Variants in PTPRT observed in about 807,000 individuals in gnomAD.
PTPRT encodes receptor-type tyrosine-protein phosphatase T.
Under a neutral mutation model 176.8 loss-of-function variants are expected in PTPRT, and 56 were observed. That is an observed-to-expected ratio of 0.32 (90% confidence interval 0.26 to 0.40). The LOEUF is 0.40. Ranked by LOEUF, PTPRT falls within the 10% of genes least tolerant of loss-of-function variation. PTPRT has a pLI of 1.00. For missense variants in PTPRT, 1,540 were observed against 1,908.2 expected (o/e 0.81, Z 3.60); for synonymous variants, 783 against 739.0 (o/e 1.06, Z -0.96).
rs1371333582 is a variant in PTPRT at position 42,617,704 on chromosome 20, T to C, written c.1153+60162A>G. On this transcript the variant is annotated intron_variant, in intron 7 of 30. Transcript: ENST00000373187. ...TGTTGAGGAGTTTATCCATTTCTTCTAGATTTTCTAGTTTATTTGCGTAGA... is the reference window on the plus strand; with the variant it reads ...TGTTGAGGAGTTTATCCATTTCTTCCAGATTTTCTAGTTTATTTGCGTAGA... 7.9e-5 allele frequency among the ~76,000 whole-genome samples: 11 copies of C among 139,790 alleles called. 3 individuals carry two copies. The highest frequency in any genetic ancestry group is 2.5e-4 in the African/African-American group (8 of 32,548). 91.7% of individuals were successfully genotyped at this position (139,790 alleles called of 152,430 possible).
intron 15 of PTPRT, among the ~76,000 whole-genome samples, chr20:42,225,447 C>T (rs1375898047): frequency 1.3e-5 from 2 of 152,200 alleles, no homozygotes; most frequent in Non-Finnish European, 2.9e-5. Context: ...TTAGGATTCA[C>T]AGCTACTAAG....
intron 1 of PTPRT, among the ~76,000 whole-genome samples, chr20:42,952,739 T>C (rs1486382994): frequency 6.6e-6 from 1 of 152,176 alleles, no homozygotes; most frequent in Non-Finnish European, 1.5e-5. Flanking sequence ...ACTATTCCAT[T>C]TGGTCCACAT....
intron 2 of PTPRT, among the ~76,000 whole-genome samples, chr20:42,817,068 T>C (rs6103050): frequency 0.02 from 2,992 of 152,288 alleles, 99 homozygotes; most frequent in African/African-American, 0.063. Flanking sequence ...TTGCAAAGAT[T>C]ACCAGTGGTA....
chr20:42,719,140 G>T (rs1174456788), intron 6 of PTPRT, among the ~76,000 whole-genome samples: 2 of 152,218 alleles, frequency 1.3e-5, no homozygotes, highest in Admixed American at 1.3e-4. Context: ...ATGTTGAGTT[G>T]AAGTGCCTGT....
chr20:42,444,301 A>ACAGCAAAG (rs3061966), intron 9 of PTPRT, among the ~76,000 whole-genome samples: 47,158 of 151,864 alleles, frequency 0.31, 7,680 homozygotes, highest in Middle Eastern at 0.44. Context: ...CAAGAATTAA[A>ACAGCAAAG]CAACTCCAAA....
intron 16 of PTPRT, among the ~76,000 whole-genome samples, chr20:42,179,413 A>G (rs1412766773): frequency 6.6e-6 from 1 of 152,236 alleles, no homozygotes; most frequent in Non-Finnish European, 1.5e-5. Flanking sequence ...ATGAATTGCC[A>G]TTGACAACAA....
intron 1 of PTPRT, among the ~76,000 whole-genome samples, chr20:43,149,864 A>G (rs2014292155): frequency 6.6e-6 from 1 of 152,220 alleles, no homozygotes; most frequent in Non-Finnish European, 1.5e-5. Context: ...TTTGGAAGGT[A>G]AAATGGCAAC....
chr20:43,094,091 CTT>C lies in PTPRT; in HGVS notation c.88+95553_88+95554del, dbSNP rs11478226. Among the ~76,000 whole-genome samples the C allele has an allele frequency of 7.7e-3, 1,010 of 130,614 alleles. 10 individuals are homozygous for C. The highest frequency in any genetic ancestry group is 0.067 in the South Asian group (277 of 4,158). 85.7% of individuals were successfully genotyped at this position (130,614 alleles called of 152,430 possible). A position where few individuals can be genotyped will look rare whatever the true frequency, so the allele number is the denominator to read the frequency against. The stretch of plus-strand genomic sequence containing the variant: ...TCTCTGTTTTTTTCTTTCTTTCTTT[CTT>C]TTTTTTTTTTTTTTTGACGGAGTCT... On this transcript the variant is annotated intron_variant, in intron 1 of 30. Transcript: ENST00000373187.
intron 14 of PTPRT, among the ~76,000 whole-genome samples, chr20:42,245,147 T>C (rs1038745277): frequency 5.3e-5 from 8 of 152,124 alleles, no homozygotes; most frequent in Admixed American, 2.0e-4. Flanking sequence ...GATCGACAGA[T>C]CCAGAGGAAA....
intron 7 of PTPRT, among the ~76,000 whole-genome samples, chr20:42,561,286 C>T (rs1474712535): frequency 1.3e-5 from 2 of 152,180 alleles, no homozygotes; most frequent in African/African-American, 4.8e-5. Context: ...CAATCATTGC[C>T]CATTTTCCTA....
rs910885502 is a variant in PTPRT at position 42,714,003 on chromosome 20, C to A, written c.860-35844G>T. Among the ~76,000 whole-genome samples the A allele has an allele frequency of 2.0e-5, 3 of 152,144 alleles. No homozygotes were observed. The South Asian group carries it at 6.2e-4, about 32-fold the overall frequency. Reference sequence around the variant, plus strand: ...TCTCTTTCTTTATAAATTATCCAGTCTCAGGTATTTCTTTATAGCAACGCA... The same window carrying A: ...TCTCTTTCTTTATAAATTATCCAGTATCAGGTATTTCTTTATAGCAACGCA... On this transcript the variant is annotated intron_variant, in intron 6 of 30. Transcript: ENST00000373187.
chr20:42,914,086 A>T (rs1265152435), intron 1 of PTPRT, among the ~76,000 whole-genome samples: 1 of 152,208 alleles, frequency 6.6e-6, no homozygotes, highest in Non-Finnish European at 1.5e-5. Context: ...TTTCACAGCT[A>T]CATCCATCTT....
At position 42,634,007 on chromosome 20, in the gene PTPRT, A is replaced by T. The variant is rs1270416791; in HGVS notation, c.1153+43859T>A. On this transcript the variant is annotated intron_variant, in intron 7 of 30. Transcript: ENST00000373187. ...ATATTATATTATATATATTATATAT[A>T]TATAATATATATATAATATATATAT... is the stretch of plus-strand genomic sequence containing the variant. Among the ~76,000 whole-genome samples the T allele has an allele frequency of 3.5e-3, 51 of 14,514 alleles. 1 individual carries two copies. Among genetic ancestry groups the T allele is most frequent in the African/African-American group, 0.016 (29 of 1,856 alleles). The allele number at this position is 14,514 out of a possible 152,430, so 9.5% of individuals were successfully genotyped here.
intron 16 of PTPRT, among the ~76,000 whole-genome samples, chr20:42,193,906 C>T (rs1420522337): frequency 6.6e-6 from 1 of 151,982 alleles, no homozygotes; most frequent in East Asian, 1.9e-4. Context: ...TTGGATATAT[C>T]CCCAAATTCT....
chr20:42,165,130 TCTC>T (rs1392632845), intron 16 of PTPRT, among the ~76,000 whole-genome samples: 1 of 152,086 alleles, frequency 6.6e-6, no homozygotes, highest in Non-Finnish European at 1.5e-5. Flanking sequence ...CTTCCTGCTC[TCTC>T]CTCCTCTTCC....
Position 42,730,393 on chromosome 20 carries a change from G to C in PTPRT, c.859+26069C>G, listed in dbSNP as rs566636187. 1.1e-4 allele frequency among the ~76,000 whole-genome samples: 16 copies of C among 152,330 alleles called. No individual in the cohort carries two copies. In the East Asian group the frequency reaches 2.7e-3, roughly 26 times the overall value. ...CAAAAGCAGAAAGCAATAAGAGAGAGGCACTGGAGGCCTGGGAAAGTGTTA... is the reference window on the plus strand; with the variant it reads ...CAAAAGCAGAAAGCAATAAGAGAGACGCACTGGAGGCCTGGGAAAGTGTTA... On this transcript the variant is annotated intron_variant, in intron 6 of 30. Coordinates refer to ENST00000373187, the MANE Select transcript of PTPRT (RefSeq NM_007050.6).
intron 7 of PTPRT, among the ~76,000 whole-genome samples, chr20:42,595,945 C>G (rs2073663156): frequency 6.6e-6 from 1 of 152,184 alleles, no homozygotes; most frequent in South Asian, 2.1e-4. Context: ...CCTACTTGTT[C>G]ATTTTTAAAA....
At chr20:42,289,691 T>C (rs35669273) in intron 12 of PTPRT, among the ~76,000 whole-genome samples, 1 of 152,018 alleles carries the variant, frequency 6.6e-6, no homozygotes, top group African/African-American at 2.4e-5. Context: ...ATTAGTGCAG[T>C]GGTTTATTCT....
chr20:43,124,582 C>T (rs969000745), intron 1 of PTPRT, among the ~76,000 whole-genome samples: 1 of 152,198 alleles, frequency 6.6e-6, no homozygotes, highest in Non-Finnish European at 1.5e-5. Flanking sequence ...AAATCACCTG[C>T]ACATAAAACC....
Sources: gnomAD v4.1 joint callset for allele counts (sites outside exome capture counted in the v4.1 genomes callset) on GRCh38, gnomAD v4.1.1 for gene constraint, MANE v1.5 for transcripts, NCBI Gene and HGNC (gene_info 2026-07-23, HGNC 2026-07-21) for gene names.